Variants in FOXP1 observed in about 807,000 individuals in gnomAD.
The protein encoded by FOXP1 is forkhead box P1.
In FOXP1, 15 loss-of-function variants were observed where a neutral mutation model predicts 98.2. The ratio of observed to expected loss-of-function variants is 0.15; its 90% CI spans 0.10 to 0.24. The LOEUF is 0.24. Among genes scored for constraint, FOXP1 ranks in the 10% least tolerant of loss-of-function variants. The probability of loss-of-function intolerance (pLI) is 1.00; values close to 1 mark genes in which losing one functional copy is unlikely to be tolerated. For synonymous variants in FOXP1, 371 were observed against 314.5 expected (o/e 1.18, Z -1.90); for missense variants, 633 against 848.5 (o/e 0.75, Z 3.15).
chr3:70,980,186 A>AG (rs2038575513), intron 14 of FOXP1, among the ~76,000 whole-genome samples: 2 of 152,292 alleles, frequency 1.3e-5, no homozygotes, highest in South Asian at 4.1e-4. Flanking sequence ...TGAGAAGCCA[A>AG]GGGGGGAAGA....
At chr3:71,418,101 T>C (rs1560457294) in intron 3 of FOXP1, among the ~76,000 whole-genome samples, 1 of 146,334 alleles carries the variant, frequency 6.8e-6, no homozygotes, top group Non-Finnish European at 1.5e-5. Flanking sequence ...CACAGTGAAA[T>C]TCTGTGTGCT....
chr3:71,085,639 T>C (rs959993238), intron 7 of FOXP1, among the ~76,000 whole-genome samples: 1 of 151,938 alleles, frequency 6.6e-6, no homozygotes, highest in Non-Finnish European at 1.5e-5. Context: ...TATTAGCACC[T>C]TTCGTTAAGC....
intron 3 of FOXP1, among the ~76,000 whole-genome samples, chr3:71,462,930 T>C (rs1457200361): frequency 6.6e-6 from 1 of 152,194 alleles, no homozygotes; most frequent in African/African-American, 2.4e-5. Flanking sequence ...GCACCATGTA[T>C]AAAACCACCT....
At chr3:71,549,252 C>A (rs1206367961) in intron 2 of FOXP1, among the ~76,000 whole-genome samples, 1 of 152,170 alleles carries the variant, frequency 6.6e-6, no homozygotes, top group East Asian at 1.9e-4. Context: ...AATTAAATAA[C>A]CTTCTCCCCT....
intron 2 of FOXP1, among the ~76,000 whole-genome samples, chr3:71,576,789 TG>T (rs2047753164): frequency 6.6e-6 from 1 of 152,124 alleles, no homozygotes; most frequent in African/African-American, 2.4e-5. Context: ...TAAAACAGCT[TG>T]GGGAGGGTCA....
chr3:71,532,211 C>T (rs867541962), intron 2 of FOXP1, among the ~76,000 whole-genome samples: 1 of 152,104 alleles, frequency 6.6e-6, no homozygotes, highest in African/African-American at 2.4e-5. Flanking sequence ...GCAATCCTCC[C>T]GCCTCAGCCT....
intron 4 of FOXP1, among the ~76,000 whole-genome samples, chr3:71,349,794 G>A (rs890659980): frequency 2.6e-5 from 4 of 152,138 alleles, no homozygotes; most frequent in African/African-American, 9.7e-5. Context: ...GGCTTACCAG[G>A]TGATAGAACC....
At chr3:71,285,090 A>G (rs937345684) in intron 5 of FOXP1, among the ~76,000 whole-genome samples, 1 of 152,194 alleles carries the variant, frequency 6.6e-6, no homozygotes, top group African/African-American at 2.4e-5. Flanking sequence ...ATTGGTAGGT[A>G]TTTTATCCCA....
At chr3:71,560,190 C>T (rs1033061658) in intron 2 of FOXP1, among the ~76,000 whole-genome samples, 3 of 148,558 alleles carry the variant, frequency 2.0e-5, no homozygotes, top group Non-Finnish European at 3.1e-5. Context: ...GAAAAAATAA[C>T]GGTGCTCCAT....
intron 4 of FOXP1, among the ~76,000 whole-genome samples, chr3:71,308,084 ACAGAGT>A (rs2074405103): frequency 6.6e-6 from 1 of 151,880 alleles, no homozygotes; most frequent in African/African-American, 2.4e-5. Flanking sequence ...ATACTGATGC[ACAGAGT>A]CAAAGATGTC....
chr3:71,466,628 G>C (rs1474266514), intron 3 of FOXP1, among the ~76,000 whole-genome samples: 1 of 152,126 alleles, frequency 6.6e-6, no homozygotes, highest in African/African-American at 2.4e-5. Context: ...AGCTTAGGGG[G>C]TGGGTGCAGA....
At chr3:71,346,972 G>A (rs1577071560) in intron 4 of FOXP1, among the ~76,000 whole-genome samples, 1 of 152,168 alleles carries the variant, frequency 6.6e-6, no homozygotes, top group East Asian at 1.9e-4. Context: ...CATGGAGGTT[G>A]CAGTTAGCCA....
At chr3:71,484,532 T>G (rs2090514614) in intron 3 of FOXP1, among the ~76,000 whole-genome samples, 1 of 152,164 alleles carries the variant, frequency 6.6e-6, no homozygotes, top group Non-Finnish European at 1.5e-5. Context: ...GCAGCATATA[T>G]CTAACATTTG....
At chr3:71,345,751 C>T (rs1484531429) in intron 4 of FOXP1, among the ~76,000 whole-genome samples, 5 of 151,542 alleles carry the variant, frequency 3.3e-5, no homozygotes, top group Non-Finnish European at 5.9e-5. Context: ...CGGCATTCTT[C>T]AGTGCAGAAA....
intron 2 of FOXP1, among the ~76,000 whole-genome samples, chr3:71,537,335 G>A (rs2044384773): frequency 6.6e-6 from 1 of 152,196 alleles, no homozygotes; most frequent in Non-Finnish European, 1.5e-5. Flanking sequence ...AAGACTGAAA[G>A]CGAGGCAAGG....
chr3:71,063,977 C>T (rs927409725), intron 7 of FOXP1, among the ~76,000 whole-genome samples: 2 of 152,160 alleles, frequency 1.3e-5, no homozygotes, highest in Admixed American at 6.5e-5. Context: ...ACTGACCGTC[C>T]TTCATGCAGT....
intron 3 of FOXP1, among the ~76,000 whole-genome samples, chr3:71,478,591 CTTAT>C (rs1232882065): frequency 6.6e-6 from 1 of 152,206 alleles, no homozygotes; most frequent in Non-Finnish European, 1.5e-5. Flanking sequence ...ACAGCCTGCA[CTTAT>C]TTATTTATGC....
chr3:71,230,401 G>C (rs1453734171), intron 5 of FOXP1, among the ~76,000 whole-genome samples: 2 of 152,190 alleles, frequency 1.3e-5, no homozygotes, highest in East Asian at 3.9e-4. Flanking sequence ...ACTGCCCTCA[G>C]AGGTAGTACT....
chr3:71,337,691 G>A (rs1406751209), intron 4 of FOXP1, among the ~76,000 whole-genome samples: 1 of 152,178 alleles, frequency 6.6e-6, no homozygotes, highest in Admixed American at 6.5e-5. Flanking sequence ...CAGTCCAATG[G>A]ATCTGACTTC....
Sources: allele counts gnomAD v4.1 joint callset (sites outside exome capture counted in the v4.1 genomes callset), GRCh38; gene constraint gnomAD v4.1.1; transcripts MANE v1.5; gene names NCBI Gene and HGNC (gene_info 2026-07-23, HGNC 2026-07-21).